Variants in PDE4D observed in about 807,000 individuals in gnomAD.
The protein encoded by PDE4D is 3',5'-cyclic-AMP phosphodiesterase 4D.
A neutral mutation model predicts 87.4 loss-of-function variants in PDE4D; 24 were observed. The ratio of observed to expected loss-of-function variants is 0.27; its 90% CI spans 0.20 to 0.39. The LOEUF (loss-of-function observed/expected upper bound fraction) is 0.39. Among genes scored for constraint, PDE4D ranks in the 10% least tolerant of loss-of-function variants. The pLI is 1.00. For missense variants in PDE4D, 714 were observed against 1,041.0 expected, an observed-to-expected ratio of 0.69 and a Z score of 4.32; for synonymous variants, 384 against 383.2, an observed-to-expected ratio of 1.00 and a Z score of -0.02.
At chr5:59,885,299 A>C (rs1049587955) in intron 1 of PDE4D, among the ~76,000 whole-genome samples, 2 of 152,144 alleles carry the variant, frequency 1.3e-5, no homozygotes, top group South Asian at 4.1e-4. Context: ...GTTCTTTACT[A>C]TCCTTATATT....
At chr5:60,001,881 A>G (rs992718661) in intron 2 of PDE4D, among the ~76,000 whole-genome samples, 2 of 49,462 alleles carry the variant, frequency 4.0e-5, no homozygotes, top group African/African-American at 1.4e-4. Context: ...GTAATTACAA[A>G]GGAAAAAAAA....
At chr5:59,482,371 G>A (rs947877203) in intron 1 of PDE4D, among the ~76,000 whole-genome samples, 10 of 152,272 alleles carry the variant, frequency 6.6e-5, no homozygotes, top group African/African-American at 2.4e-4. Context: ...GCAATGAGAA[G>A]AGCCACTTAT....
chr5:60,460,675 A>G, intron 1 of PDE4D: 1 of 1,036,714 alleles, frequency 9.6e-7, no homozygotes, highest in Non-Finnish European at 1.5e-6. Flanking sequence ...CTCCGGTCCC[A>G]GAGCAGGAGG....
At chr5:59,464,926 A>G (rs896189256) in intron 1 of PDE4D, among the ~76,000 whole-genome samples, 2 of 152,228 alleles carry the variant, frequency 1.3e-5, no homozygotes, top group Non-Finnish European at 2.9e-5. Context: ...TTGAATATGT[A>G]TGGGCCTCAC....
intron 6 of PDE4D, among the ~76,000 whole-genome samples, chr5:58,994,346 C>G (rs1748652489): frequency 6.6e-6 from 1 of 152,148 alleles, no homozygotes; most frequent in South Asian, 2.1e-4. Flanking sequence ...CTTCTCCCAC[C>G]CCCATCAGCT....
chr5:59,506,241 AGAG>A (rs1809239288), intron 1 of PDE4D, among the ~76,000 whole-genome samples: 2 of 152,294 alleles, frequency 1.3e-5, no homozygotes, highest in Admixed American at 1.3e-4. Context: ...TTCATTTTTT[AGAG>A]GAGTGAGATT....
intron 1 of PDE4D, among the ~76,000 whole-genome samples, chr5:59,794,101 A>G (rs1223077761): frequency 6.6e-6 from 1 of 151,590 alleles, no homozygotes; most frequent in Non-Finnish European, 1.5e-5. Flanking sequence ...ACATACACAC[A>G]GACATGGACA....
chr5:60,259,807 C>T (rs537593149), intron 1 of PDE4D, among the ~76,000 whole-genome samples: 5 of 152,076 alleles, frequency 3.3e-5, no homozygotes, highest in African/African-American at 1.2e-4. Context: ...GAAAGGTACA[C>T]GTGGAATGCA....
At chr5:60,427,120 G>A (rs961033595) in intron 1 of PDE4D, among the ~76,000 whole-genome samples, 7 of 152,118 alleles carry the variant, frequency 4.6e-5, no homozygotes, top group Non-Finnish European at 8.8e-5. Context: ...AGAAAGAAAA[G>A]CGAGTGAGAA....
chr5:59,640,006 AT>A (rs908353666), intron 1 of PDE4D, among the ~76,000 whole-genome samples: 6 of 152,090 alleles, frequency 3.9e-5, no homozygotes, highest in Non-Finnish European at 8.8e-5. Context: ...ACAATACTGA[AT>A]TAAAATTTGC....
At chr5:60,032,122 C>G (rs908630299) in intron 2 of PDE4D, among the ~76,000 whole-genome samples, 1 of 151,918 alleles carries the variant, frequency 6.6e-6, no homozygotes, top group African/African-American at 2.4e-5. Context: ...CTTAGTAAAA[C>G]TTCAAAAATA....
chr5:59,429,519 A>C (rs1795796161), intron 1 of PDE4D, among the ~76,000 whole-genome samples: 1 of 152,206 alleles, frequency 6.6e-6, no homozygotes, highest in South Asian at 2.1e-4. Context: ...GTAGAAGAGT[A>C]AGATAGTAAT....
intron 1 of PDE4D, among the ~76,000 whole-genome samples, chr5:59,524,446 C>A (rs897270993): frequency 1.5e-4 from 23 of 152,098 alleles, no homozygotes; most frequent in African/African-American, 5.3e-4. Flanking sequence ...ATCTGTGGAA[C>A]TGTGAATTAG....
intron 5 of PDE4D, among the ~76,000 whole-genome samples, chr5:59,058,851 A>G (rs1395928154): frequency 1.3e-5 from 2 of 152,186 alleles, no homozygotes; most frequent in Non-Finnish European, 2.9e-5. Context: ...GAAACAAAGA[A>G]TCTCTAATAA....
intron 1 of PDE4D, among the ~76,000 whole-genome samples, chr5:59,761,366 T>C (rs1424223498): frequency 6.6e-6 from 1 of 152,156 alleles, no homozygotes; most frequent in Non-Finnish European, 1.5e-5. Context: ...AATTTATAAA[T>C]ATTTTTATTT....
chr5:59,376,957 G>C (rs532358410), intron 1 of PDE4D, among the ~76,000 whole-genome samples: 1 of 152,292 alleles, frequency 6.6e-6, no homozygotes, highest in African/African-American at 2.4e-5. Flanking sequence ...TTCAATAAAT[G>C]ATGCTGAGAT....
chr5:60,000,256 T>C (rs1269098304), intron 2 of PDE4D, among the ~76,000 whole-genome samples: 1 of 151,792 alleles, frequency 6.6e-6, no homozygotes, highest in Non-Finnish European at 1.5e-5. Flanking sequence ...AACTCAAACG[T>C]GGAAAAACCA....
intron 1 of PDE4D, among the ~76,000 whole-genome samples, chr5:59,680,843 G>A (rs371595036): frequency 6.6e-5 from 10 of 152,134 alleles, no homozygotes; most frequent in Middle Eastern, 3.4e-3. Context: ...TTACAGATAC[G>A]AAAATGGAGA....
intron 1 of PDE4D, among the ~76,000 whole-genome samples, chr5:59,686,585 T>C (rs1250051589): frequency 6.6e-6 from 1 of 152,162 alleles, no homozygotes; most frequent in Non-Finnish European, 1.5e-5. Flanking sequence ...GAACAATGCC[T>C]AGTACACAGC....
Sources: gnomAD v4.1 joint callset for allele counts (sites outside exome capture counted in the v4.1 genomes callset) on GRCh38, gnomAD v4.1.1 for gene constraint, MANE v1.5 for transcripts, NCBI Gene and HGNC (gene_info 2026-07-23, HGNC 2026-07-21) for gene names.